EEPD1: variants seen among roughly 807,000 people sequenced by gnomAD.
EEPD1 encodes endonuclease/exonuclease/phosphatase family domain-containing protein 1.
EEPD1 carries 17 observed loss-of-function variants against 46.3 expected under a neutral mutation model. The observed-to-expected ratio is 0.37, with a 90% confidence interval of 0.25 to 0.55. The LOEUF is 0.55. EEPD1 is among the 20% of genes least tolerant of loss of function. EEPD1 has a pLI of 0.83. For synonymous variants in EEPD1, 313 were observed against 315.6 expected, an observed-to-expected ratio of 0.99 and a Z score of 0.09; for missense variants, 673 against 745.6, an observed-to-expected ratio of 0.90 and a Z score of 1.13.
intron 2 of EEPD1, among the ~76,000 whole-genome samples, chr7:36,219,314 G>A (rs17273471): frequency 0.12 from 17,466 of 149,856 alleles, 1,066 homozygotes; most frequent in East Asian, 0.22. Flanking sequence ...GCCTAAACTC[G>A]TGGTCATTTT....
chr7:36,164,059 A>G (rs536749157), intron 2 of EEPD1, among the ~76,000 whole-genome samples: 2 of 152,326 alleles, frequency 1.3e-5, no homozygotes, highest in South Asian at 2.1e-4. Flanking sequence ...TCATGTGTCT[A>G]CGAACATATG....
At chr7:36,245,920 G>A (rs1786632946) in intron 3 of EEPD1, among the ~76,000 whole-genome samples, 1 of 152,198 alleles carries the variant, frequency 6.6e-6, no homozygotes, top group South Asian at 2.1e-4. Flanking sequence ...TTAAGTCACA[G>A]GTACTTGTTT....
Position 36,161,535 on chromosome 7 carries a change from A to G in EEPD1, c.878+6333A>G, listed in dbSNP as rs147947003. Among the ~76,000 whole-genome samples the G allele has an allele frequency of 2.8e-3, 430 of 152,172 alleles. 4 individuals are homozygous for G. Among genetic ancestry groups the G allele is most frequent in the African/African-American group, 9.7e-3 (403 of 41,514 alleles). ...TGAAAGTCAGCATCCACCCTCCCCCATGCACACACACGGCTGAGGAGGGGG... is the reference window on the plus strand; with the variant it reads ...TGAAAGTCAGCATCCACCCTCCCCCGTGCACACACACGGCTGAGGAGGGGG... On this transcript the variant is annotated intron_variant, in intron 2 of 7. Coordinates refer to ENST00000242108, the MANE Select transcript of EEPD1 (RefSeq NM_030636.3).
Position 36,297,028 on chromosome 7 carries a change from C to G in EEPD1, c.1351C>G (p.Gln451Glu). 6.2e-7 allele frequency: 1 copy of G among 1,614,156 alleles called. No homozygotes were observed. The highest frequency in any genetic ancestry group is 8.5e-7 in the Non-Finnish European group (1 of 1,180,032). Residue 451 changes from glutamine (Q) to glutamate (E), a missense_variant, in exon 7 of 8, where the codon CAA becomes GAA. Physicochemically the swap from Gln to Glu is conservative, Grantham distance 29 (BLOSUM62 2). Coordinates refer to ENST00000242108, the MANE Select transcript of EEPD1 (RefSeq NM_030636.3). ...TGTCATTATCTTAGGGGATTTTGGC[C>G]AAGGGCCAGACAGCAATGACTATGA... The part of the protein sequence containing the change: ...KDVIILGDFG[Q>E]GPDSNDYDIL...
chr7:36,256,706 C>T (rs546484393), intron 3 of EEPD1, among the ~76,000 whole-genome samples: 3 of 152,228 alleles, frequency 2.0e-5, no homozygotes, highest in South Asian at 4.1e-4. Context: ...TATTTTGAGC[C>T]TATGTGTGTC....
At chr7:36,296,567 T>C (rs1787527170) in intron 6 of EEPD1, among the ~76,000 whole-genome samples, 1 of 152,228 alleles carries the variant, frequency 6.6e-6, no homozygotes, top group Non-Finnish European at 1.5e-5. Flanking sequence ...TACTCTGTGC[T>C]CTTGTCTGTT....
chr7:36,180,193 A>T (rs906873775), intron 2 of EEPD1, among the ~76,000 whole-genome samples: 1 of 152,220 alleles, frequency 6.6e-6, no homozygotes, highest in Non-Finnish European at 1.5e-5. Context: ...TAACTAGCTG[A>T]TACCGGGAGA....
chr7:36,265,644 A>G (rs1278158841), intron 3 of EEPD1, among the ~76,000 whole-genome samples: 1 of 151,848 alleles, frequency 6.6e-6, no homozygotes, highest in Admixed American at 6.6e-5. Flanking sequence ...CTGTTGCCAT[A>G]TCTGGCTTTT....
At chr7:36,275,561 C>G (rs1179318421) in intron 3 of EEPD1, among the ~76,000 whole-genome samples, 2 of 152,206 alleles carry the variant, frequency 1.3e-5, no homozygotes, top group Admixed American at 6.5e-5. Context: ...AGTCTCCTGC[C>G]TCAGCTTCCT....
intron 2 of EEPD1, among the ~76,000 whole-genome samples, chr7:36,223,242 T>A (rs1786178379): frequency 6.6e-6 from 1 of 152,164 alleles, no homozygotes; most frequent in Non-Finnish European, 1.5e-5. Context: ...AACACAGACC[T>A]CAGCACCTCC....
At chr7:36,276,506 T>A (rs1422613407) in intron 3 of EEPD1, among the ~76,000 whole-genome samples, 1 of 152,174 alleles carries the variant, frequency 6.6e-6, no homozygotes, top group South Asian at 2.1e-4. Context: ...ACGGGCTCAG[T>A]ATATTGCCTC....
At chr7:36,210,830 A>G (rs990498664) in intron 2 of EEPD1, among the ~76,000 whole-genome samples, 7 of 152,012 alleles carry the variant, frequency 4.6e-5, no homozygotes, top group African/African-American at 1.7e-4. Context: ...TGACCACCCC[A>G]TCTCCTAACA....
intron 3 of EEPD1, among the ~76,000 whole-genome samples, chr7:36,244,940 TG>T (rs772023377): frequency 2.5e-4 from 38 of 151,328 alleles, no homozygotes; most frequent in Non-Finnish European, 5.0e-4. Flanking sequence ...GCCCGGCTAA[TG>T]TTTTTTTTTT....
chr7:36,288,681 G>A, intron 6 of EEPD1, among the ~76,000 whole-genome samples: 1 of 151,660 alleles, frequency 6.6e-6, no homozygotes, highest in Non-Finnish European at 1.5e-5. Context: ...AGAATCACTT[G>A]AGCCCAGGAA....
At chr7:36,295,989 C>T (rs1385427008) in intron 6 of EEPD1, among the ~76,000 whole-genome samples, 1 of 130,714 alleles carries the variant, frequency 7.7e-6, no homozygotes, top group Admixed American at 9.9e-5. Context: ...CGAGATTGTG[C>T]CACTGCACTC....
chr7:36,267,159 C>A (rs148111195), intron 3 of EEPD1, among the ~76,000 whole-genome samples: 399 of 152,348 alleles, frequency 2.6e-3, no homozygotes, highest in Non-Finnish European at 4.5e-3. Context: ...TCTGTTACTG[C>A]AGTACTCAGC....
At chr7:36,156,736 G>C (rs1784830884) in intron 2 of EEPD1, among the ~76,000 whole-genome samples, 1 of 152,158 alleles carries the variant, frequency 6.6e-6, no homozygotes, top group Non-Finnish European at 1.5e-5. Context: ...AGCAACATCA[G>C]CTACTGACTC....
chr7:36,298,972 C>G, intron 7 of EEPD1, 35 bp from the exon 8 acceptor site: 1 of 1,606,510 alleles, frequency 6.2e-7, no homozygotes, highest in Middle Eastern at 1.8e-4. Context: ...ACCCCCCATC[C>G]TGATTCCCGG....
At chr7:36,235,092 C>G (rs1786410221) in intron 2 of EEPD1, among the ~76,000 whole-genome samples, 1 of 147,790 alleles carries the variant, frequency 6.8e-6, no homozygotes, top group South Asian at 2.2e-4. Context: ...TCCCCATAGC[C>G]TCCAGCCCAG....
Sources: gnomAD v4.1 joint callset for allele counts (sites outside exome capture counted in the v4.1 genomes callset) on GRCh38, gnomAD v4.1.1 for gene constraint, MANE v1.5 for transcripts, NCBI Gene and HGNC (gene_info 2026-07-23, HGNC 2026-07-21) for gene names.